Variants in BDP1 observed in about 807,000 individuals in gnomAD.
BDP1 encodes BDP1 general transcription factor IIIB subunit.
BDP1 carries 169 observed loss-of-function variants against 266.6 expected under a neutral mutation model. That is an observed-to-expected ratio of 0.63 (90% confidence interval 0.56 to 0.72). BDP1 has a LOEUF of 0.72. Ranked by LOEUF, BDP1 falls within the 30% of genes least tolerant of loss-of-function variation. The pLI is 0.00. For missense variants in BDP1, 3,015 were observed against 3,053.8 expected (o/e 0.99, Z 0.30); for synonymous variants, 1,090 against 1,022.4 (o/e 1.07, Z -1.26).
intron 6 of BDP1, 68 bp from the exon 7 acceptor site, chr5:71,470,327 A>G: frequency 8.5e-7 from 1 of 1,179,338 alleles, no homozygotes; most frequent in East Asian, 2.6e-5. Context: ...CAAATTCTGT[A>G]AGATTTCTTT....
chr5:71,511,663 A>T (rs1316221889), intron 17 of BDP1, among the ~76,000 whole-genome samples: 1 of 151,984 alleles, frequency 6.6e-6, no homozygotes, highest in African/African-American at 2.4e-5. Flanking sequence ...AAATAAAAAT[A>T]ATTTCCAACT....
At chr5:71,470,224 C>T (rs1762155106) in intron 6 of BDP1, among the ~76,000 whole-genome samples, 171 bp from the exon 7 acceptor site, 1 of 152,162 alleles carries the variant, frequency 6.6e-6, no homozygotes. Flanking sequence ...CCACCATGCC[C>T]AGCCTACGAT....
chr5:71,491,229 T>A, intron 11 of BDP1, 98 bp downstream of exon 11: 1 of 1,132,850 alleles, frequency 8.8e-7, no homozygotes, highest in Non-Finnish European at 1.3e-6. Context: ...GCCTGTTTCT[T>A]TTTTTCAGTT....
chr5:71,513,184 G>A lies in BDP1; in HGVS notation c.4248-1G>A, dbSNP rs773060368. ...AAGCTTGATAATCCTTGTTCCAAAAGCAAATCTCTTCCTCAAGAACAGAAG... is the reference window on the plus strand; with the variant it reads ...AAGCTTGATAATCCTTGTTCCAAAAACAAATCTCTTCCTCAAGAACAGAAG... On this transcript the variant is annotated splice_acceptor_variant, in intron 18 of 38. Transcript: ENST00000358731. LOFTEE classifies it high-confidence loss of function. The A allele has an allele frequency of 2.5e-6, 4 of 1,608,552 alleles. No individual in the cohort carries two copies. Among genetic ancestry groups the A allele is most frequent in the Non-Finnish European group, 2.5e-6 (3 of 1,178,506 alleles).
intron 12 of BDP1, among the ~76,000 whole-genome samples, chr5:71,497,005 T>A (rs1763938378): frequency 6.6e-6 from 1 of 152,250 alleles, no homozygotes; most frequent in African/African-American, 2.4e-5. Flanking sequence ...AAATCATGTC[T>A]ATTTTGAAGT....
chr5:71,572,266 T>C (rs913575127), downstream of BDP1, among the ~76,000 whole-genome samples: 11 of 152,192 alleles, frequency 7.2e-5, no homozygotes, highest in Non-Finnish European at 1.5e-4. Flanking sequence ...TCCAAACATA[T>C]TCTTTTGTCT....
At chr5:71,531,508 A>G (rs1766244123) in intron 25 of BDP1, among the ~76,000 whole-genome samples, 1 of 151,882 alleles carries the variant, frequency 6.6e-6, no homozygotes, top group Non-Finnish European at 1.5e-5. Context: ...TATTTTATTT[A>G]TTTATTTATT....
Position 71,501,649 on chromosome 5 carries a change from T to C in BDP1, c.2044T>C (p.Ser682Pro). 7.0e-7 allele frequency: 1 copy of C among 1,421,426 alleles called. No homozygotes were observed. The highest frequency in any genetic ancestry group is 9.8e-7 in the Non-Finnish European group (1 of 1,016,758). The allele number at this position is 1,421,426 out of a possible 1,614,324, so 88.1% of individuals were successfully genotyped here. A position where few individuals can be genotyped will look rare whatever the true frequency, so the allele number is the denominator to read the frequency against. ...ERENPEAETV[S>P]VLGEKNCLQE... Reference sequence around the variant, plus strand: ...AGAGAATCCAGAAGCTGAAACTGTATCTGTGTGAGTATTCAGGAAGTAGTA... The same window carrying C: ...AGAGAATCCAGAAGCTGAAACTGTACCTGTGTGAGTATTCAGGAAGTAGTA... Residue 682 changes from serine (S) to proline (P), a missense_variant, in exon 14 of 39, where the codon TCT becomes CCT. Physicochemically the swap from Ser to Pro is moderately conservative, Grantham distance 74 (BLOSUM62 -1). Transcript: ENST00000358731.
rs878879900 is a variant in BDP1, at chr5:71,489,563, A to G, written c.1373A>G (p.Asp458Gly). Residue 458 changes from aspartate (D) to glycine (G), a missense_variant, in exon 10 of 39, where the codon GAC becomes GGC. By Grantham distance (94) the Asp-to-Gly change is moderately conservative. This residue lies in a region of BDP1 where 2,383 missense variants were observed against 2,404.9 expected (regional missense o/e 0.99). Transcript: ENST00000358731. ...GCAGAGCAGGTTGCATTAGAAGTAG[A>G]CCTAAATCAAAAGAAAAGAAGGAGG... ...EDAEQVALEV[D>G]LNQKKRRRKK... 2.5e-6 allele frequency: 4 copies of G among 1,614,146 alleles called. No individual in the cohort carries two copies. In the South Asian group the frequency reaches 3.3e-5, roughly 13 times the overall value.
At chr5:71,534,082 AG>A (rs1248577923) in intron 26 of BDP1, among the ~76,000 whole-genome samples, 2 of 152,116 alleles carry the variant, frequency 1.3e-5, no homozygotes, top group African/African-American at 4.8e-5. Context: ...TAAAGCAAAA[AG>A]TTTTAAATTT....
rs772311454 is a variant in BDP1, at chr5:71,531,234, A to G, written c.5773-1074A>G. On this transcript the variant is annotated intron_variant, in intron 25 of 38. Transcript: ENST00000358731. ...ATCGCACCACCGCAGCTGGGGTGAC[A>G]TGAGTGAGACCCTGCCTCAGAATAA... Among the ~76,000 whole-genome samples, 214 of 152,172 alleles carry G rather than the reference A, an allele frequency of 1.4e-3. 2 individuals are homozygous for G. Among genetic ancestry groups the G allele is most frequent in the Non-Finnish European group, 1.5e-3 (105 of 68,034 alleles).
Position 71,565,272 on chromosome 5 carries a change from T to TTCTTTTTCTTCACAAAAAA in BDP1, c.*393_*394insTCTTCACAAAAAATCTTTT. 6.3e-6 allele frequency: 1 copy of TTCTTTTTCTTCACAAAAAA among 157,590 alleles called. No homozygotes were observed. The highest frequency in any genetic ancestry group is 3.3e-3 in the Middle Eastern group (1 of 302). 9.8% of individuals were successfully genotyped at this position (157,590 alleles called of 1,614,324 possible). A position where few individuals can be genotyped will look rare whatever the true frequency, so the allele number is the denominator to read the frequency against. ...TGTATCATATTTAACATTTAGCAAC[T>TTCTTTTTCTTCACAAAAAA]TCTTTTGTGAAGATTTTTTATTTTT... On this transcript the variant is annotated 3_prime_UTR_variant, in exon 39 of 39. Coordinates refer to ENST00000358731, the MANE Select transcript of BDP1 (RefSeq NM_018429.3).
At chr5:71,458,353 T>TG (rs1421656194) in intron 1 of BDP1, among the ~76,000 whole-genome samples, 1 of 152,106 alleles carries the variant, frequency 6.6e-6, no homozygotes. Flanking sequence ...CCTAGGGACT[T>TG]TATGTTTGAA....
At chr5:71,522,669 C>T (rs1580135433) in intron 23 of BDP1, 87 bp from the exon 24 acceptor site, 1 of 1,334,476 alleles carries the variant, frequency 7.5e-7, no homozygotes, top group East Asian at 2.3e-5. Context: ...TATGTGTAAA[C>T]TTAGAGGTTT....
intron 1 of BDP1, among the ~76,000 whole-genome samples, chr5:71,457,005 C>T (rs1267353049): frequency 6.6e-6 from 1 of 152,090 alleles, no homozygotes; most frequent in Non-Finnish European, 1.5e-5. Flanking sequence ...TATGGTGTTA[C>T]GTTGATAGTT....
chr5:71,573,452 CAG>C, the BDP1 span, among the ~76,000 whole-genome samples: 1 of 152,078 alleles, frequency 6.6e-6, no homozygotes, highest in Non-Finnish European at 1.5e-5. Context: ...TAATGCACAG[CAG>C]CTCATTCATG....
intron 36 of BDP1, among the ~76,000 whole-genome samples, chr5:71,557,373 T>A (rs528860152): frequency 2.1e-3 from 281 of 131,200 alleles, no homozygotes; most frequent in Non-Finnish European, 3.6e-3. Flanking sequence ...TATGCCAAGC[T>A]AATTTTTTTT....
chr5:71,569,305 A>G (rs1338838923), downstream of BDP1, among the ~76,000 whole-genome samples: 2 of 152,166 alleles, frequency 1.3e-5, no homozygotes, highest in African/African-American at 2.4e-5. Flanking sequence ...AGCAAAAACT[A>G]GCAGAACATG....
At chr5:71,458,328 A>T (rs756143051) in intron 1 of BDP1, among the ~76,000 whole-genome samples, 19 of 152,070 alleles carry the variant, frequency 1.2e-4, no homozygotes, top group Non-Finnish European at 1.9e-4. Flanking sequence ...GCCTATAATT[A>T]TGTGCTGTAA....
Sources: gnomAD v4.1 joint callset for allele counts (sites outside exome capture counted in the v4.1 genomes callset) on GRCh38, gnomAD v4.1.1 for gene constraint, gnomAD v4.1.1 regional missense constraint, MANE v1.5 for transcripts, NCBI Gene and HGNC (gene_info 2026-07-23, HGNC 2026-07-21) for gene names.